The following PSD3 variants were observed in gnomAD, a reference collection of about 807,000 sequenced individuals.
The protein encoded by PSD3 is PH and SEC7 domain-containing protein 3.
PSD3 carries 49 observed loss-of-function variants against 105.5 expected under a neutral mutation model. That is an observed-to-expected ratio of 0.46 (90% confidence interval 0.37 to 0.59). PSD3 has a LOEUF of 0.59. Ranked by LOEUF, PSD3 falls within the 20% of genes least tolerant of loss-of-function variation. The pLI is 0.00. For synonymous variants in PSD3, 557 were observed against 457.8 expected, an observed-to-expected ratio of 1.22 and a Z score of -2.77; for missense variants, 1,561 against 1,263.8, an observed-to-expected ratio of 1.24 and a Z score of -3.57.
chr8:19,037,286 T>C (rs1029887425), intron 1 of PSD3, among the ~76,000 whole-genome samples: 2 of 152,226 alleles, frequency 1.3e-5, no homozygotes, highest in African/African-American at 4.8e-5. Flanking sequence ...ATACAGCTGA[T>C]ACAAAACTGG....
chr8:18,842,064 T>C (rs1814671347), intron 4 of PSD3, among the ~76,000 whole-genome samples: 1 of 152,142 alleles, frequency 6.6e-6, no homozygotes, highest in Non-Finnish European at 1.5e-5. Flanking sequence ...GACCTCACCA[T>C]CTTCCCATGT....
intron 1 of PSD3, among the ~76,000 whole-genome samples, chr8:19,031,955 T>C (rs73596652): frequency 0.12 from 17,852 of 152,188 alleles, 1,083 homozygotes; most frequent in Non-Finnish European, 0.14. Context: ...AATTTCCTAA[T>C]TAGACGCATC....
intron 2 of PSD3, among the ~76,000 whole-genome samples, chr8:18,922,630 T>C (rs58495108): frequency 0.013 from 1,945 of 152,146 alleles, 40 homozygotes; most frequent in African/African-American, 0.045. Flanking sequence ...ATCCCACGGG[T>C]TGGGGACTCA....
At chr8:19,062,903 G>T (rs1372974972) in intron 1 of PSD3, among the ~76,000 whole-genome samples, 1 of 151,942 alleles carries the variant, frequency 6.6e-6, no homozygotes, top group Non-Finnish European at 1.5e-5. Context: ...AAATGCAAAA[G>T]AAAAGAAAAC....
chr8:18,978,677 A>G (rs902364106), intron 1 of PSD3, among the ~76,000 whole-genome samples: 1 of 152,100 alleles, frequency 6.6e-6, no homozygotes, highest in East Asian at 1.9e-4. Context: ...CACCTCAACC[A>G]CTGCCAGGCT....
At chr8:18,605,823 G>C (rs1804786463) in intron 11 of PSD3, among the ~76,000 whole-genome samples, 1 of 152,022 alleles carries the variant, frequency 6.6e-6, no homozygotes, top group Non-Finnish European at 1.5e-5. Flanking sequence ...TTAAAAGTGT[G>C]GAGCACCCCC....
intron 4 of PSD3, among the ~76,000 whole-genome samples, chr8:18,817,756 A>G (rs768909410): frequency 2.0e-5 from 3 of 152,184 alleles, no homozygotes; most frequent in Admixed American, 6.5e-5. Context: ...TCATCTGCCA[A>G]TGAGCTCTCT....
chr8:18,576,926 C>A (rs367846659), intron 12 of PSD3, among the ~76,000 whole-genome samples: 6 of 150,878 alleles, frequency 4.0e-5, no homozygotes, highest in Non-Finnish European at 8.9e-5. Flanking sequence ...ATGATTTAAG[C>A]TTTTATCTTA....
intron 9 of PSD3, among the ~76,000 whole-genome samples, chr8:18,676,449 C>T (rs1442467553): frequency 6.6e-6 from 1 of 152,210 alleles, no homozygotes; most frequent in African/African-American, 2.4e-5. Context: ...CCCGCTAACC[C>T]TGAGGACTTA....
intron 15 of PSD3, among the ~76,000 whole-genome samples, chr8:18,544,171 C>CAAAAAAAAAAAAAAAAAAAAAAAACA (rs1800310486): frequency 9.4e-6 from 1 of 106,692 alleles, no homozygotes; most frequent in African/African-American, 4.9e-5. Flanking sequence ...AGAAACAAAC[C>CAAAAAAAAAAAAAAAAAAAAAAAACA]AAAAAAAAAA....
At chr8:18,895,696 A>G (rs12546684) in intron 2 of PSD3, among the ~76,000 whole-genome samples, 7,151 of 152,314 alleles carry the variant, frequency 0.047, 204 homozygotes, top group South Asian at 0.082. Context: ...AACTGCACAT[A>G]TTTATAAGAT....
intron 9 of PSD3, among the ~76,000 whole-genome samples, chr8:18,711,348 T>C (rs1332642245): frequency 2.6e-5 from 4 of 152,228 alleles, no homozygotes; most frequent in African/African-American, 9.6e-5. Flanking sequence ...AATGGAAAGC[T>C]GGAGAAAGAG....
intron 15 of PSD3, among the ~76,000 whole-genome samples, chr8:18,544,509 A>G (rs1434965012): frequency 6.6e-6 from 1 of 151,988 alleles, no homozygotes; most frequent in Non-Finnish European, 1.5e-5. Flanking sequence ...TATAGCAAAT[A>G]ACCACACATT....
At chr8:18,567,060 G>A (rs1801821290) in intron 14 of PSD3, among the ~76,000 whole-genome samples, 1 of 152,172 alleles carries the variant, frequency 6.6e-6, no homozygotes, top group Non-Finnish European at 1.5e-5. Context: ...AGATTTTAGT[G>A]AGGGAAAATC....
chr8:18,669,109 G>T (rs1799635556), intron 9 of PSD3, among the ~76,000 whole-genome samples: 2 of 152,166 alleles, frequency 1.3e-5, no homozygotes, highest in South Asian at 4.1e-4. Context: ...AGCGTACCTT[G>T]CTTAATGCAT....
intron 2 of PSD3, among the ~76,000 whole-genome samples, chr8:18,901,781 AG>A: frequency 6.6e-6 from 1 of 152,294 alleles, no homozygotes; most frequent in South Asian, 2.1e-4. Flanking sequence ...TCATCTCTAA[AG>A]GATAGCTTTG....
intron 14 of PSD3, among the ~76,000 whole-genome samples, chr8:18,556,765 T>C (rs6586756): frequency 0.072 from 10,905 of 152,294 alleles, 888 homozygotes; most frequent in African/African-American, 0.19. Flanking sequence ...TTTCCATCCA[T>C]CACAATGAAT....
At chr8:19,036,937 T>C (rs1205900410) in intron 1 of PSD3, among the ~76,000 whole-genome samples, 1 of 152,166 alleles carries the variant, frequency 6.6e-6, no homozygotes, top group African/African-American at 2.4e-5. Context: ...TGTGTATCCA[T>C]GTTGCAACTC....
chr8:19,055,829 C>A (rs1011714835), intron 1 of PSD3, among the ~76,000 whole-genome samples: 1 of 152,206 alleles, frequency 6.6e-6, no homozygotes, highest in African/African-American at 2.4e-5. Context: ...ATTCAGATTA[C>A]ATTAAACTTG....
Sources: gnomAD v4.1 joint callset for allele counts (sites outside exome capture counted in the v4.1 genomes callset) on GRCh38, gnomAD v4.1.1 for gene constraint, MANE v1.5 for transcripts, NCBI Gene and HGNC (gene_info 2026-07-23, HGNC 2026-07-21) for gene names.